Variants in WNT2B observed in about 807,000 individuals in gnomAD.
WNT2B encodes Wnt family member 2B, also known as protein Wnt-2b.
Under a neutral mutation model 40.5 loss-of-function variants are expected in WNT2B, and 19 were observed. The observed-to-expected ratio is 0.47, with a 90% CI of 0.33 to 0.69. The LOEUF is 0.69. Ranked by LOEUF, WNT2B falls within the 30% of genes least tolerant of loss-of-function variation. The probability of loss-of-function intolerance (pLI) is 0.02; values close to 1 mark genes in which losing one functional copy is unlikely to be tolerated. For synonymous variants in WNT2B, 220 were observed against 211.9 expected (o/e 1.04, Z -0.33); for missense variants, 467 against 556.4 (o/e 0.84, Z 1.62).
chr1:112,510,533 C>A (rs1311364662), intron 1 of WNT2B, among the ~76,000 whole-genome samples: 1 of 152,114 alleles, frequency 6.6e-6, no homozygotes, highest in Non-Finnish European at 1.5e-5. Context: ...CTCCTTGCAC[C>A]CTGTGGCTTT....
intron 1 of WNT2B, among the ~76,000 whole-genome samples, chr1:112,477,762 C>G (rs1267155745): frequency 6.6e-6 from 1 of 151,930 alleles, no homozygotes; most frequent in Non-Finnish European, 1.5e-5. Flanking sequence ...AGAATTTCAA[C>G]AGCAGACTTG....
chr1:112,486,626 C>T (rs1651426455), intron 1 of WNT2B, among the ~76,000 whole-genome samples: 1 of 150,802 alleles, frequency 6.6e-6, no homozygotes, highest in Admixed American at 6.6e-5. Flanking sequence ...GACTTATATC[C>T]AGAACATATG....
chr1:112,490,979 TA>T, intron 1 of WNT2B: 2 of 1,605,144 alleles, frequency 1.2e-6, no homozygotes, highest in Non-Finnish European at 1.7e-6. Context: ...TTTATTATGT[TA>T]AATTGCGCCT....
At chr1:112,483,179 G>GACACACAC (rs1651282005) in intron 1 of WNT2B, among the ~76,000 whole-genome samples, 1 of 99,874 alleles carries the variant, frequency 1.0e-5, no homozygotes, top group Non-Finnish European at 2.1e-5. Context: ...GGGCAACATA[G>GACACACAC]ATACACACAC....
rs1482784389 is a variant in WNT2B at position 112,521,050 on chromosome 1, G to C, written c.*541G>C. ...TGAGATGTTAGCCATAGTGGACAAG[G>C]TTCCATTCACATGCTCATATGTTTA... On this transcript the variant is annotated 3_prime_UTR_variant, in exon 5 of 5. Transcript: ENST00000369684. 1 of 155,574 alleles carries C rather than the reference G, an allele frequency of 6.4e-6. No homozygotes were observed. Among genetic ancestry groups the C allele is most frequent in the East Asian group, 1.9e-4 (1 of 5,250 alleles). The allele number at this position is 155,574 out of a possible 1,614,324, so 9.6% of individuals were successfully genotyped here. A position where few individuals can be genotyped will look rare whatever the true frequency, so the allele number is the denominator to read the frequency against.
At chr1:112,507,980 A>C (rs768302451), upstream of WNT2B, among the ~76,000 whole-genome samples, 4 of 152,136 alleles carry the variant, frequency 2.6e-5, no homozygotes, top group Non-Finnish European at 4.4e-5. Flanking sequence ...CTCTTTCGGC[A>C]GACTGCACCT....
chr1:112,473,718 C>T (rs1234291226), intron 1 of WNT2B, among the ~76,000 whole-genome samples: 1 of 151,700 alleles, frequency 6.6e-6, no homozygotes, highest in Middle Eastern at 3.2e-3. Context: ...ACAAAAAAAG[C>T]CAATAAATAT....
chr1:112,468,842 C>G (rs186429447), intron 1 of WNT2B, among the ~76,000 whole-genome samples: 3 of 152,186 alleles, frequency 2.0e-5, no homozygotes, highest in Admixed American at 2.0e-4. Context: ...CGTTTTGTTG[C>G]CTGTGCTTTT....
In WNT2B at chr1:112,472,866, G is replaced by A. The variant is rs567902833; in HGVS notation, c.-95+5275G>A. ...GAGTCCCAGCTACTCAGGAGGCTGA[G>A]GTGGGAGGATCACTTGAGCTTGGGA... On this transcript the variant is annotated intron_variant, in intron 1 of 4. Transcript: ENST00000256640. Among the ~76,000 whole-genome samples, 3 of 151,838 alleles carry A rather than the reference G, an allele frequency of 2.0e-5. No homozygotes were observed. In the South Asian group the frequency reaches 6.2e-4, roughly 32 times the overall value.
chr1:112,466,593 A>AT (rs1650717124), exon 1 of WNT2B: 1 of 152,178 alleles, frequency 6.6e-6, no homozygotes, highest in Non-Finnish European at 1.5e-5. Flanking sequence ...AAATGAGCAA[A>AT]TTTAAGACTT....
upstream of WNT2B, among the ~76,000 whole-genome samples, chr1:112,504,675 A>T (rs1297723677): frequency 6.6e-6 from 1 of 152,110 alleles, no homozygotes; most frequent in Non-Finnish European, 1.5e-5. Context: ...CCCTATTTCA[A>T]ATAAGACCTG....
chr1:112,491,694 T>A (rs530903698), intron 1 of WNT2B, among the ~76,000 whole-genome samples: 1 of 152,102 alleles, frequency 6.6e-6, no homozygotes, highest in African/African-American at 2.4e-5. Flanking sequence ...AAGACCAACC[T>A]ATTCAACATA....
chr1:112,488,445 CT>C (rs1651488276), intron 1 of WNT2B, among the ~76,000 whole-genome samples: 1 of 148,054 alleles, frequency 6.8e-6, no homozygotes. Flanking sequence ...GGCCTTCTTC[CT>C]TACCTGCCTT....
At position 112,492,708 on chromosome 1, in the gene WNT2B, C is replaced by T. The variant is rs567092836; in HGVS notation, c.-94-22166C>T. On this transcript the variant is annotated intron_variant, in intron 1 of 4. Transcript: ENST00000256640. Reference sequence around the variant, plus strand: ...ACTTTTTTTGCAGAGTCTATCCAAACTAGGGGAAGGAAAATATCCAGTTTC... The same window carrying T: ...ACTTTTTTTGCAGAGTCTATCCAAATTAGGGGAAGGAAAATATCCAGTTTC... Among the ~76,000 whole-genome samples the T allele has an allele frequency of 2.0e-5, 3 of 152,268 alleles. No individual in the cohort carries two copies. The South Asian group carries it at 6.2e-4, about 31-fold the overall frequency.
intron 1 of WNT2B, among the ~76,000 whole-genome samples, chr1:112,478,552 G>A (rs1425863783): frequency 2.6e-5 from 4 of 151,886 alleles, no homozygotes; most frequent in Non-Finnish European, 5.9e-5. Context: ...GAGAAAATAG[G>A]GTGATATAAC....
At position 112,528,228 on chromosome 1, in the gene WNT2B, A is replaced by AC. The variant is rs1335263809; in HGVS notation, c.*7720dup. 6.6e-6 allele frequency: 1 copy of AC among 152,174 alleles called. No homozygotes were observed. Among genetic ancestry groups the AC allele is most frequent in the African/African-American group, 2.4e-5 (1 of 41,438 alleles). The allele number at this position is 152,174 out of a possible 1,614,324, so 9.4% of individuals were successfully genotyped here. On this transcript the variant is annotated 3_prime_UTR_variant, in exon 5 of 5. Coordinates refer to ENST00000369684, the MANE Select transcript of WNT2B (RefSeq NM_024494.3). ...GAAGAAGGCATTCTAAATAGAGGGA[A>AC]CTGGTATGTGCTGAAACTTAGAAGC...
At position 112,526,258 on chromosome 1, in the gene WNT2B, CTA is replaced by C; in HGVS notation, c.*5751_*5752del. Reference sequence around the variant, plus strand: ...AATGGCTCTTTTGCCATTTCTGCCACTATTACCACCAGTACCATGTGACCACT... The same window carrying C: ...AATGGCTCTTTTGCCATTTCTGCCACTTACCACCAGTACCATGTGACCACT... On this transcript the variant is annotated 3_prime_UTR_variant, in exon 5 of 5. Coordinates refer to ENST00000369684, the MANE Select transcript of WNT2B (RefSeq NM_024494.3). The C allele has an allele frequency of 1.0e-6, 1 of 1,000,752 alleles. No individual in the cohort carries two copies. Among genetic ancestry groups the C allele is most frequent in the Non-Finnish European group, 1.5e-6 (1 of 678,644 alleles). 62.0% of individuals were successfully genotyped at this position (1,000,752 alleles called of 1,614,324 possible). A position where few individuals can be genotyped will look rare whatever the true frequency, so the allele number is the denominator to read the frequency against.
upstream of WNT2B, among the ~76,000 whole-genome samples, chr1:112,505,999 T>C (rs866828038): frequency 9.9e-5 from 15 of 151,824 alleles, no homozygotes; most frequent in African/African-American, 3.4e-4. Flanking sequence ...TGCTTTAAAA[T>C]TTTTTTTATT....
chr1:112,473,554 A>T (rs1443191257), intron 1 of WNT2B, among the ~76,000 whole-genome samples: 1 of 149,530 alleles, frequency 6.7e-6, no homozygotes, highest in Non-Finnish European at 1.5e-5. Flanking sequence ...AACACAGAGC[A>T]TAAGAAATTT....
Sources: gnomAD v4.1 joint callset for allele counts (sites outside exome capture counted in the v4.1 genomes callset) on GRCh38, gnomAD v4.1.1 for gene constraint, MANE v1.5 for transcripts, NCBI Gene and HGNC (gene_info 2026-07-23, HGNC 2026-07-21) for gene names.